The following MMP26 variants were observed in gnomAD, a reference collection of about 807,000 sequenced individuals.
MMP26 encodes the protein matrix metallopeptidase 26.
MMP26 carries 33 observed loss-of-function variants against 31.0 expected under a neutral mutation model. The ratio of observed to expected loss-of-function variants is 1.06; its 90% CI spans 0.81 to 1.42. MMP26 has a LOEUF of 1.42. MMP26 is among the 40% of genes most tolerant of loss of function. The probability of loss-of-function intolerance (pLI) is 0.00; values close to 1 mark genes in which losing one functional copy is unlikely to be tolerated. For synonymous variants in MMP26, 122 were observed against 114.9 expected, an observed-to-expected ratio of 1.06 and a Z score of -0.40; for missense variants, 347 against 316.1, an observed-to-expected ratio of 1.10 and a Z score of -0.74.
At chr11:4,762,728 AGTG>A (rs1848582607) in intron 1 of MMP26, among the ~76,000 whole-genome samples, 1 of 152,188 alleles carries the variant, frequency 6.6e-6, no homozygotes, top group Non-Finnish European at 1.5e-5. Context: ...CTTTTAGAAA[AGTG>A]GAAAAACAGA....
At chr11:4,923,562 A>G (rs57025946) in intron 2 of MMP26, 1 of 1,614,152 alleles carries the variant, frequency 6.2e-7, no homozygotes, top group East Asian at 2.2e-5. Context: ...ACAAGAGACA[A>G]GCCAATCATG....
intron 2 of MMP26, chr11:4,821,824 A>T (rs1372722890): frequency 1.2e-6 from 2 of 1,613,006 alleles, no homozygotes; most frequent in African/African-American, 1.3e-5. Context: ...ACTGAGATAC[A>T]CTACCATCCT....
chr11:4,710,311 G>A, intron 1 of MMP26: 1 of 456,734 alleles, frequency 2.2e-6, no homozygotes, highest in Non-Finnish European at 4.4e-6. Flanking sequence ...TCTCACATCA[G>A]TGCAGTTGCC....
chr11:4,875,694 A>C (rs1358947007), intron 2 of MMP26: 1 of 152,146 alleles, frequency 6.6e-6, no homozygotes, highest in Non-Finnish European at 1.5e-5. Flanking sequence ...GCCTACCTGC[A>C]CAATGCAGGA....
chr11:4,798,883 C>A (rs1047257705), intron 2 of MMP26, among the ~76,000 whole-genome samples: 2 of 152,172 alleles, frequency 1.3e-5, no homozygotes, highest in Admixed American at 6.5e-5. Context: ...ACTGATGAAG[C>A]TTTCCCCTTT....
intron 2 of MMP26, among the ~76,000 whole-genome samples, chr11:4,847,007 G>A (rs1849880163): frequency 6.6e-6 from 1 of 152,128 alleles, no homozygotes; most frequent in Non-Finnish European, 1.5e-5. Context: ...CTGGCTCCAG[G>A]CTCTGAATTT....
At chr11:4,848,460 G>A (rs1259787901) in intron 2 of MMP26, 16 of 1,613,568 alleles carry the variant, frequency 9.9e-6, no homozygotes, top group Non-Finnish European at 1.4e-5. Context: ...AGAGAGGTGG[G>A]CAGCACAGGT....
At chr11:4,945,622 A>T (rs942945812) in intron 2 of MMP26, 2 of 159,062 alleles carry the variant, frequency 1.3e-5, no homozygotes, top group Non-Finnish European at 2.8e-5. Flanking sequence ...CTGGTGGGGC[A>T]AGAGTGAAAG....
chr11:4,749,423 T>TA lies in MMP26; in HGVS notation c.-216-17838dup, dbSNP rs577570670. On this transcript the variant is annotated intron_variant, in intron 1 of 7. Transcript: ENST00000380390. Reference sequence around the variant, plus strand: ...ACAAAAATCATTTTTTTCACAGAATTAAAAAAAAATCTAAAATTCTTATAA... The same window carrying TA: ...ACAAAAATCATTTTTTTCACAGAATTAAAAAAAAAATCTAAAATTCTTATAA... Among the ~76,000 whole-genome samples, 13 of 151,094 alleles carry TA rather than the reference T, an allele frequency of 8.6e-5. 1 individual carries two copies. The highest frequency in any genetic ancestry group is 7.8e-4 in the East Asian group (4 of 5,160).
At chr11:4,933,517 T>TA (rs533110643) in intron 2 of MMP26, among the ~76,000 whole-genome samples, 2,799 of 142,704 alleles carry the variant, frequency 0.02, 35 homozygotes, top group Middle Eastern at 0.035. Flanking sequence ...ATTACCCTGT[T>TA]ATTTTTTTTG....
chr11:4,713,736 A>G (rs1045384991), intron 1 of MMP26, among the ~76,000 whole-genome samples: 2 of 152,148 alleles, frequency 1.3e-5, no homozygotes, highest in African/African-American at 4.8e-5. Context: ...TAAATAATAT[A>G]GGAGGAAGAT....
intron 2 of MMP26, among the ~76,000 whole-genome samples, chr11:4,793,225 C>G (rs1002508388): frequency 1.3e-5 from 2 of 152,250 alleles, no homozygotes; most frequent in Middle Eastern, 6.8e-3. Context: ...TGATGTCTCC[C>G]CTGTAATTTC....
chr11:4,785,455 G>A (rs1355409510), intron 2 of MMP26, among the ~76,000 whole-genome samples: 1 of 151,826 alleles, frequency 6.6e-6, no homozygotes, highest in Non-Finnish European at 1.5e-5. Flanking sequence ...AGACTCATTA[G>A]CTACAAGGTA....
chr11:4,712,262 G>A (rs1847871751), intron 1 of MMP26: 1 of 152,156 alleles, frequency 6.6e-6, no homozygotes, highest in East Asian at 1.9e-4. Flanking sequence ...CATTCTTAAG[G>A]TGTTTAAATC....
chr11:4,790,274 C>T (rs1300480702), intron 2 of MMP26, among the ~76,000 whole-genome samples: 3 of 143,602 alleles, frequency 2.1e-5, no homozygotes, highest in East Asian at 1.9e-4. Flanking sequence ...CTGGGAGGTG[C>T]GGAGGCTGCG....
At chr11:4,890,091 T>TTCTTTTAATGAGTTTAGTGTTGTTTC (rs1459960121) in intron 2 of MMP26, 1 of 152,350 alleles carries the variant, frequency 6.6e-6, no homozygotes, top group Non-Finnish European at 1.5e-5. Context: ...AGTTAGTTGT[T>TTCTTTTAATGAGTTTAGTGTTGTTTC]TCTTTTAATG....
At chr11:4,956,393 T>C (rs566711034) in intron 2 of MMP26, among the ~76,000 whole-genome samples, 1 of 152,324 alleles carries the variant, frequency 6.6e-6, no homozygotes, top group African/African-American at 2.4e-5. Flanking sequence ...ACAGTAAATC[T>C]ACAGAGATAG....
chr11:4,923,868 T>A, intron 2 of MMP26: 1 of 1,613,660 alleles, frequency 6.2e-7, no homozygotes, highest in Non-Finnish European at 8.5e-7. Context: ...AAGGGGAGGA[T>A]GAGGAGAGCA....
rs11033796 is a variant in MMP26 at position 4,769,528 on chromosome 11, G to T, written c.-145+2187G>T. 5.6e-6 allele frequency: 9 copies of T among 1,612,928 alleles called. No individual in the cohort carries two copies. The East Asian group carries it at 2.0e-4, about 36-fold the overall frequency. On this transcript the variant is annotated intron_variant, in intron 2 of 7. Transcript: ENST00000380390. ...TGAGAATGGTAGTGTACCTCAGAGGGTCACAGATGGCCACATAACGGTCAA... is the reference window on the plus strand; with the variant it reads ...TGAGAATGGTAGTGTACCTCAGAGGTTCACAGATGGCCACATAACGGTCAA...
Sources: gnomAD v4.1 joint callset for allele counts (sites outside exome capture counted in the v4.1 genomes callset) on GRCh38, gnomAD v4.1.1 for gene constraint, MANE v1.5 for transcripts, NCBI Gene and HGNC (gene_info 2026-07-23, HGNC 2026-07-21) for gene names.